CEP112: variants seen among roughly 807,000 people sequenced by gnomAD.
CEP112 encodes the protein centrosomal protein of 112 kDa.
Under a neutral mutation model 153.0 loss-of-function variants are expected in CEP112, and 127 were observed. That is an observed-to-expected ratio of 0.83 (90% CI 0.72 to 0.96). CEP112 has a LOEUF of 0.96. Ranked by LOEUF, CEP112 falls within the 40% of genes least tolerant of loss-of-function variation. CEP112 has a pLI of 0.00. For missense variants in CEP112, 1,089 were observed against 1,101.2 expected (o/e 0.99, Z 0.16); for synonymous variants, 358 against 374.4 (o/e 0.96, Z 0.51).
At chr17:65,745,374 T>C (rs1446663111) in intron 22 of CEP112, among the ~76,000 whole-genome samples, 1 of 152,240 alleles carries the variant, frequency 6.6e-6, no homozygotes, top group Non-Finnish European at 1.5e-5. Context: ...TGGCATCAAT[T>C]CAATTAATTC....
intron 19 of CEP112, among the ~76,000 whole-genome samples, chr17:65,921,201 G>T (rs753801775): frequency 1.3e-5 from 2 of 151,950 alleles, no homozygotes; most frequent in Non-Finnish European, 2.9e-5. Context: ...ACGGCTCCAC[G>T]AAAGCCAGAT....
intron 6 of CEP112, among the ~76,000 whole-genome samples, chr17:66,103,855 T>C (rs1019840794): frequency 2.6e-5 from 4 of 152,182 alleles, no homozygotes; most frequent in African/African-American, 4.8e-5. Flanking sequence ...GGATTTTGCA[T>C]TGAAACTCAG....
At position 66,087,835 on chromosome 17, in the gene CEP112, AG is replaced by A. The variant is rs550621552; in HGVS notation, c.768+8415del. 2.0e-4 allele frequency among the ~76,000 whole-genome samples: 30 copies of A among 152,118 alleles called. No individual in the cohort carries two copies. In the East Asian group the frequency reaches 5.6e-3, roughly 28 times the overall value. ...GTGGAGAGACCCTCCACTTGGGAGG[AG>A]GGAAGAAAGGTGAGCACTAGACTTT... On this transcript the variant is annotated intron_variant, in intron 8 of 26. Coordinates refer to ENST00000535342, the MANE Select transcript of CEP112 (RefSeq NM_001199165.4).
intron 20 of CEP112, among the ~76,000 whole-genome samples, chr17:65,867,864 G>C (rs867040968): frequency 3.3e-5 from 5 of 151,960 alleles, no homozygotes; most frequent in African/African-American, 1.2e-4. Flanking sequence ...AACTTTTAGT[G>C]TCTGCAGCGG....
intron 10 of CEP112, among the ~76,000 whole-genome samples, chr17:66,064,244 G>A (rs973690019): frequency 6.6e-6 from 1 of 152,112 alleles, no homozygotes; most frequent in Non-Finnish European, 1.5e-5. Flanking sequence ...TCAAAAAGAC[G>A]TGTACTGAAT....
intron 16 of CEP112, among the ~76,000 whole-genome samples, chr17:66,017,374 C>CAATAAGGGATAAGGGATGTT (rs1416450570): frequency 1.3e-5 from 2 of 152,152 alleles, no homozygotes; most frequent in African/African-American, 4.8e-5. Flanking sequence ...AAATAAGGGA[C>CAATAAGGGATAAGGGATGTT]TCCCCTCTGA....
At chr17:65,930,247 T>C (rs895571282) in intron 18 of CEP112, among the ~76,000 whole-genome samples, 3 of 152,218 alleles carry the variant, frequency 2.0e-5, no homozygotes, top group Non-Finnish European at 4.4e-5. Flanking sequence ...GGAAATGAAC[T>C]ATGAAAAATG....
At position 66,117,233 on chromosome 17, in the gene CEP112, G is replaced by A. The variant is rs1394752036; in HGVS notation, c.642+12513C>T. Among the ~76,000 whole-genome samples the A allele has an allele frequency of 4.0e-5, 6 of 151,852 alleles. No individual in the cohort carries two copies. In the South Asian group the frequency reaches 1.0e-3, roughly 26 times the overall value. ...AGTTCTTTCAAAAAGGTAACTCTAG[G>A]TGAATCATGATTTTTAAAAGGAAAC... On this transcript the variant is annotated intron_variant, in intron 6 of 26. Transcript: ENST00000535342.
At chr17:66,038,361 A>AT (rs2065832361) in intron 12 of CEP112, among the ~76,000 whole-genome samples, 2 of 152,092 alleles carry the variant, frequency 1.3e-5, no homozygotes, top group Non-Finnish European at 2.9e-5. Flanking sequence ...TTTATTTTTG[A>AT]TTTTTAAAGC....
intron 24 of CEP112, among the ~76,000 whole-genome samples, chr17:65,682,782 C>T (rs1255520806): frequency 6.6e-6 from 1 of 152,200 alleles, no homozygotes; most frequent in Non-Finnish European, 1.5e-5. Context: ...CTTCACTCTG[C>T]CCTCTAACTA....
chr17:66,038,100 C>CA lies in CEP112; in HGVS notation c.1219-8078dup, dbSNP rs5821553. On this transcript the variant is annotated intron_variant, in intron 12 of 26. Coordinates refer to ENST00000535342, the MANE Select transcript of CEP112 (RefSeq NM_001199165.4). The stretch of plus-strand genomic sequence containing the variant: ...CTGGCAACAGAGCAAGACTCTGTCT[C>CA]AAAAAAAAAAAAAAGAAAAGAAAAG... 1.2e-3 allele frequency among the ~76,000 whole-genome samples: 122 copies of CA among 105,390 alleles called. 1 individual carries two copies. Among genetic ancestry groups the CA allele is most frequent in the African/African-American group, 3.6e-3 (95 of 26,064 alleles). 69.1% of individuals were successfully genotyped at this position (105,390 alleles called of 152,430 possible).
At chr17:66,110,365 A>T (rs766293513) in intron 6 of CEP112, among the ~76,000 whole-genome samples, 16 of 151,970 alleles carry the variant, frequency 1.1e-4, no homozygotes, top group African/African-American at 2.7e-4. Context: ...AAAGAAAAGA[A>T]AAGATACAAT....
In CEP112 at chr17:65,777,450, C is replaced by T. The variant is rs79066864; in HGVS notation, c.2395-26726G>A. ...TTTGCCACCTGCTGACTTGCCGCTT[C>T]CATCTAAGCTGTCCCCCTGAGAACA... On this transcript the variant is annotated intron_variant, in intron 21 of 26. Transcript: ENST00000535342. 1.0e-3 allele frequency among the ~76,000 whole-genome samples: 156 copies of T among 152,300 alleles called. 1 individual carries two copies. The highest frequency in any genetic ancestry group is 3.7e-3 in the African/African-American group (155 of 41,574).
chr17:65,994,389 G>A (rs552131690), intron 17 of CEP112, among the ~76,000 whole-genome samples: 83 of 152,220 alleles, frequency 5.5e-4, no homozygotes, highest in African/African-American at 1.0e-3. Context: ...GTATGGTGGC[G>A]TGGTCATAGC....
At chr17:65,980,606 G>A (rs1383894552) in intron 17 of CEP112, among the ~76,000 whole-genome samples, 1 of 152,070 alleles carries the variant, frequency 6.6e-6, no homozygotes, top group Non-Finnish European at 1.5e-5. Flanking sequence ...TCAAAACTTA[G>A]CTTATTGGCA....
chr17:65,899,225 T>C (rs1017020534), intron 20 of CEP112, among the ~76,000 whole-genome samples: 1 of 152,176 alleles, frequency 6.6e-6, no homozygotes, highest in East Asian at 1.9e-4. Flanking sequence ...CAAGTCTTGA[T>C]TTCTACCAGT....
At chr17:66,138,708 A>T (rs2070552380) in intron 4 of CEP112, among the ~76,000 whole-genome samples, 1 of 151,368 alleles carries the variant, frequency 6.6e-6, no homozygotes, top group Non-Finnish European at 1.5e-5. Flanking sequence ...CACAAAACAT[A>T]AAAAAAAAGA....
At chr17:65,816,297 T>G (rs2056259557) in intron 21 of CEP112, among the ~76,000 whole-genome samples, 2 of 152,002 alleles carry the variant, frequency 1.3e-5, no homozygotes, top group South Asian at 4.2e-4. Flanking sequence ...TTTTAATTTT[T>G]TATTCCCATA....
intron 18 of CEP112, among the ~76,000 whole-genome samples, chr17:65,956,912 G>C (rs2062022116): frequency 6.6e-6 from 1 of 152,152 alleles, no homozygotes; most frequent in Admixed American, 6.5e-5. Context: ...ACTTTGGATA[G>C]TAACAAACCC....
Sources: gnomAD v4.1 joint callset for allele counts (sites outside exome capture counted in the v4.1 genomes callset) on GRCh38, gnomAD v4.1.1 for gene constraint, MANE v1.5 for transcripts, NCBI Gene and HGNC (gene_info 2026-07-23, HGNC 2026-07-21) for gene names.